The following RFTN1 variants were observed in gnomAD, a reference collection of about 807,000 sequenced individuals.
RFTN1 encodes the protein raftlin, lipid raft linker 1, also known as raftlin.
In RFTN1, 26 loss-of-function variants were observed where a neutral mutation model predicts 46.5. The observed-to-expected ratio is 0.56, with a 90% CI of 0.41 to 0.78. RFTN1 has a LOEUF of 0.78. Ranked by LOEUF, RFTN1 falls within the 30% of genes least tolerant of loss-of-function variation. The pLI, the probability that RFTN1 is intolerant of heterozygous loss-of-function variation, is 0.00. For missense variants in RFTN1, 693 were observed against 718.7 expected, an observed-to-expected ratio of 0.96 and a Z score of 0.41; for synonymous variants, 261 against 284.2, an observed-to-expected ratio of 0.92 and a Z score of 0.82.
At position 16,334,959 on chromosome 3, in the gene RFTN1, C is replaced by T. The variant is rs368259752; in HGVS notation, c.1147-8083G>A. On this transcript the variant is annotated intron_variant, in intron 7 of 9. Transcript: ENST00000334133. This position sits in a 1 kb window ranked among gnomAD's most constrained non-coding sequence, Gnocchi z 4.3. ...CTGGAGTGATGCAGGGAAGGGGCCACGAGCCAAGGAACATGGGCAGCTTCC... is the reference window on the plus strand; with the variant it reads ...CTGGAGTGATGCAGGGAAGGGGCCATGAGCCAAGGAACATGGGCAGCTTCC... 6.2e-4 allele frequency among the ~76,000 whole-genome samples: 94 copies of T among 152,244 alleles called. No homozygotes were observed. In the South Asian group the frequency reaches 0.016, roughly 26 times the overall value.
intron 4 of RFTN1, among the ~76,000 whole-genome samples, chr3:16,388,745 C>T (rs2074272949): frequency 6.6e-6 from 1 of 152,224 alleles, no homozygotes; most frequent in East Asian, 1.9e-4. Flanking sequence ...AAAAATGCCT[C>T]ATAATCAGGC....
At chr3:16,461,525 C>T (rs2076008264) in intron 2 of RFTN1, among the ~76,000 whole-genome samples, 1 of 152,182 alleles carries the variant, frequency 6.6e-6, no homozygotes, top group Non-Finnish European at 1.5e-5. Context: ...CACACTATCA[C>T]ACTATAACCC....
At chr3:16,389,906 T>A (rs2074306721) in intron 4 of RFTN1, among the ~76,000 whole-genome samples, 1 of 152,206 alleles carries the variant, frequency 6.6e-6, no homozygotes, top group Non-Finnish European at 1.5e-5. Context: ...CAGAATTCCA[T>A]GAACTTCTAC....
chr3:16,373,758 C>G (rs1452193092), intron 5 of RFTN1, among the ~76,000 whole-genome samples: 1 of 152,168 alleles, frequency 6.6e-6, no homozygotes, highest in Non-Finnish European at 1.5e-5. Context: ...GGGCATCACA[C>G]TTGGCTGGGC....
At chr3:16,419,512 A>G (rs907056563) in intron 3 of RFTN1, among the ~76,000 whole-genome samples, 1 of 152,086 alleles carries the variant, frequency 6.6e-6, no homozygotes, top group Admixed American at 6.5e-5. Context: ...TTGTCCCTGC[A>G]ATTGGTGGTG....
intron 4 of RFTN1, among the ~76,000 whole-genome samples, chr3:16,391,708 G>A (rs565573418): frequency 1.2e-4 from 18 of 152,192 alleles, no homozygotes; most frequent in Admixed American, 4.6e-4. Flanking sequence ...ATATGGCACC[G>A]AAACGCAGCA....
At chr3:16,363,895 A>G (rs2072987605) in intron 6 of RFTN1, among the ~76,000 whole-genome samples, 1 of 152,216 alleles carries the variant, frequency 6.6e-6, no homozygotes, top group Non-Finnish European at 1.5e-5. Context: ...CAACTGCGTA[A>G]GCCCAACTGC....
chr3:16,390,661 A>T (rs1039598125), intron 4 of RFTN1, among the ~76,000 whole-genome samples: 5 of 152,250 alleles, frequency 3.3e-5, no homozygotes, highest in Admixed American at 1.3e-4. Context: ...GCACCATCAG[A>T]GTCAGAAAGG....
rs537645240 is a variant in RFTN1 at position 16,479,779 on chromosome 3, A to C, written c.145+13946T>G. On this transcript the variant is annotated intron_variant, in intron 2 of 9. Transcript: ENST00000334133. The surrounding 1 kb of genome is among the most constrained non-coding windows in gnomAD (Gnocchi z 5.1). ...AAGCTGCAGTTTGGTTGGTGGGTCC[A>C]AAGATTAGATTTGGTTTAGGATTTC... Among the ~76,000 whole-genome samples the C allele has an allele frequency of 6.6e-6, 1 of 152,334 alleles. No homozygotes were observed. Among genetic ancestry groups the C allele is most frequent in the South Asian group, 2.1e-4 (1 of 4,824 alleles).
Position 16,320,281 on chromosome 3 carries a change from C to A in RFTN1, c.1333-3049G>T, listed in dbSNP as rs930941569. 3.3e-5 allele frequency among the ~76,000 whole-genome samples: 5 copies of A among 152,192 alleles called. No homozygotes were observed. The highest frequency in any genetic ancestry group is 5.9e-5 in the Non-Finnish European group (4 of 68,034). ...CACGCACGTACACAGAGGTTTCTTT[C>A]CAATGCTGAAAAGTCCTGATTAGAA... is the stretch of plus-strand genomic sequence containing the variant. On this transcript the variant is annotated intron_variant, in intron 9 of 9. Coordinates refer to ENST00000334133, the MANE Select transcript of RFTN1 (RefSeq NM_015150.2). This position sits in a 1 kb window ranked among gnomAD's most constrained non-coding sequence, Gnocchi z 4.5.
rs566796237 is a variant in RFTN1 at position 16,412,231 on chromosome 3, C to A, written c.333-2748G>T. Among the ~76,000 whole-genome samples the A allele has an allele frequency of 3.9e-5, 6 of 152,312 alleles. No homozygotes were observed. The South Asian group carries it at 1.2e-3, about 32-fold the overall frequency. On this transcript the variant is annotated intron_variant, in intron 3 of 9. Coordinates refer to ENST00000334133, the MANE Select transcript of RFTN1 (RefSeq NM_015150.2). ...TAGGTGAGCAAGTAATAGGCGTTCT[C>A]CTGCCTTTGGGAATTAGCTCCTCAA...
At chr3:16,392,625 A>G (rs1313698646) in intron 4 of RFTN1, among the ~76,000 whole-genome samples, 1 of 150,326 alleles carries the variant, frequency 6.7e-6, no homozygotes, top group Non-Finnish European at 1.5e-5. Context: ...ATATAAGTAT[A>G]TATTACTTAT....
rs2075247181 is a variant in RFTN1 at position 16,424,203 on chromosome 3, G to A, written c.332+9648C>T. On this transcript the variant is annotated intron_variant, in intron 3 of 9. Coordinates refer to ENST00000334133, the MANE Select transcript of RFTN1 (RefSeq NM_015150.2). This position sits in a 1 kb window ranked among gnomAD's most constrained non-coding sequence, Gnocchi z 4.7. ...TGGGGCCTCTGAGTTGAAAGATGAT[G>A]TATTTCTGTGCCATGAGTCTCAAGA... 6.6e-6 allele frequency among the ~76,000 whole-genome samples: 1 copy of A among 152,164 alleles called. No individual in the cohort carries two copies. The highest frequency in any genetic ancestry group is 2.4e-5 in the African/African-American group (1 of 41,432).
chr3:16,392,113 A>G (rs542370178), intron 4 of RFTN1, among the ~76,000 whole-genome samples: 77 of 152,192 alleles, frequency 5.1e-4, no homozygotes, highest in East Asian at 9.7e-4. Context: ...TCCTCTAGCC[A>G]TCTTCAGCCC....
In RFTN1 at chr3:16,433,720, T is replaced by C. The variant is rs930498340; in HGVS notation, c.332+131A>G. On this transcript the variant is annotated intron_variant, in intron 3 of 9. Coordinates refer to ENST00000334133, the MANE Select transcript of RFTN1 (RefSeq NM_015150.2). This position sits in a 1 kb window ranked among gnomAD's most constrained non-coding sequence, Gnocchi z 4.4. ...TGGTTGTCTAACTGTTTGCCTCACC[T>C]GTCTGAGGGCTGAGGCCCTGAGGAC... 20 of 892,448 alleles carry C rather than the reference T, an allele frequency of 2.2e-5. No homozygotes were observed. The highest frequency in any genetic ancestry group is 3.6e-5 in the Non-Finnish European group (20 of 556,038). 55.3% of individuals were successfully genotyped at this position (892,448 alleles called of 1,614,324 possible).
At chr3:16,368,515 CA>C (rs535871988) in intron 6 of RFTN1, among the ~76,000 whole-genome samples, 1 of 151,982 alleles carries the variant, frequency 6.6e-6, no homozygotes, top group South Asian at 2.1e-4. Context: ...ACTAAAAATA[CA>C]AAAAAATTAG....
Position 16,335,714 on chromosome 3 carries a change from C to G in RFTN1, c.1147-8838G>C, listed in dbSNP as rs553290603. 4.0e-5 allele frequency among the ~76,000 whole-genome samples: 6 copies of G among 150,560 alleles called. No individual in the cohort carries two copies. Among genetic ancestry groups the G allele is most frequent in the Admixed American group, 4.0e-4 (6 of 15,082 alleles). ...TGATAGCCTGATCTGAGCAGCAACA[C>G]ACATGGCACACGTTTACCTATGTAA... On this transcript the variant is annotated intron_variant, in intron 7 of 9. Transcript: ENST00000334133. This position sits in a 1 kb window ranked among gnomAD's most constrained non-coding sequence, Gnocchi z 4.7.
In RFTN1 at chr3:16,499,303, A is replaced by G. The variant is rs2076672753; in HGVS notation, c.-8-5426T>C. ...ATCTGGGCTCCAGGATGGCTTGACC[A>G]ATAGAATATGACGGAATAACACAGT... On this transcript the variant is annotated intron_variant, in intron 1 of 9. Transcript: ENST00000334133. The surrounding 1 kb of genome is among the most constrained non-coding windows in gnomAD (Gnocchi z 4.9). Among the ~76,000 whole-genome samples the G allele has an allele frequency of 6.6e-6, 1 of 152,208 alleles. No individual in the cohort carries two copies. Among genetic ancestry groups the G allele is most frequent in the South Asian group, 2.1e-4 (1 of 4,830 alleles).
In RFTN1 at chr3:16,380,691, A is replaced by C. The variant is rs559157076; in HGVS notation, c.442-2589T>G. Among the ~76,000 whole-genome samples the C allele has an allele frequency of 6.6e-6, 1 of 152,304 alleles. No individual in the cohort carries two copies. The highest frequency in any genetic ancestry group is 1.9e-4 in the East Asian group (1 of 5,176). On this transcript the variant is annotated intron_variant, in intron 4 of 9. Coordinates refer to ENST00000334133, the MANE Select transcript of RFTN1 (RefSeq NM_015150.2). This position sits in a 1 kb window ranked among gnomAD's most constrained non-coding sequence, Gnocchi z 4.8. ...AGAAACTCTGAGGGTGAGATCCAGC[A>C]ATCTGTGTCTTAACAAGTCCTCCGA...
Sources: allele counts gnomAD v4.1 joint callset (sites outside exome capture counted in the v4.1 genomes callset), GRCh38; gene constraint gnomAD v4.1.1; non-coding constraint Gnocchi (gnomAD v3.1); transcripts MANE v1.5; gene names NCBI Gene and HGNC (gene_info 2026-07-23, HGNC 2026-07-21).